The following SAR1A variants were observed in gnomAD, a reference collection of about 807,000 sequenced individuals.
The protein encoded by SAR1A is secretion associated Ras related GTPase 1A.
A neutral mutation model predicts 22.6 loss-of-function variants in SAR1A; 6 were observed. The observed-to-expected ratio is 0.27, with a 90% CI of 0.15 to 0.52. The LOEUF (loss-of-function observed/expected upper bound fraction) is 0.52, where lower values mean the gene tolerates loss of function less well. SAR1A is among the 20% of genes least tolerant of loss of function. The pLI is 0.96. For synonymous variants in SAR1A, 70 were observed against 82.2 expected (o/e 0.85, Z 0.80); for missense variants, 145 against 245.1 (o/e 0.59, Z 2.73).
At position 70,150,652 on chromosome 10, in the gene SAR1A, A is replaced by T. The variant is rs1236335598; in HGVS notation, c.*1824T>A. On this transcript the variant is annotated 3_prime_UTR_variant, in exon 7 of 7. Coordinates refer to ENST00000373241, the MANE Select transcript of SAR1A (RefSeq NM_020150.5). ...GGGGGACCTTTAACCAAAGGAAATT[A>T]AAAATATGCAAGTTATATTACCTAG... 2.0e-5 allele frequency: 3 copies of T among 152,260 alleles called. No individual in the cohort carries two copies. Among genetic ancestry groups the T allele is most frequent in the Non-Finnish European group, 4.4e-5 (3 of 68,046 alleles). 9.4% of individuals were successfully genotyped at this position (152,260 alleles called of 1,614,324 possible).
chr10:70,166,418 G>A (rs986486602), intron 1 of SAR1A, among the ~76,000 whole-genome samples: 1 of 152,154 alleles, frequency 6.6e-6, no homozygotes, highest in Non-Finnish European at 1.5e-5. Flanking sequence ...AGAATGAAAA[G>A]CACATTGATT....
chr10:70,160,009 T>C (rs1839447176), intron 4 of SAR1A, among the ~76,000 whole-genome samples: 1 of 152,208 alleles, frequency 6.6e-6, no homozygotes, highest in Non-Finnish European at 1.5e-5. Flanking sequence ...ATCAGAGTAA[T>C]CACACATAGT....
Position 70,149,013 on chromosome 10 carries a change from A to T in SAR1A, c.*3463T>A. 5.1e-5 allele frequency: 1 copy of T among 19,750 alleles called. No individual in the cohort carries two copies. The highest frequency in any genetic ancestry group is 9.5e-5 in the Non-Finnish European group (1 of 10,480). 1.2% of individuals were successfully genotyped at this position (19,750 alleles called of 1,614,324 possible). On this transcript the variant is annotated 3_prime_UTR_variant, in exon 7 of 7. Coordinates refer to ENST00000373241, the MANE Select transcript of SAR1A (RefSeq NM_020150.5). ...AATCTTATTTTCCACTCTGCCTCAA[A>T]CAAAACAACTCATTTGCCCATACAA...
chr10:70,157,657 T>C (rs774286411), intron 5 of SAR1A, 107 bp downstream of exon 5: 33 of 710,096 alleles, frequency 4.6e-5, no homozygotes, highest in Non-Finnish European at 7.0e-5. Context: ...AAATGTTAAC[T>C]GGAATGACTA....
At chr10:70,162,013 CATG>C (rs1243125016) in intron 1 of SAR1A, 82 bp from the exon 2 acceptor site, 1 of 969,658 alleles carries the variant, frequency 1.0e-6, no homozygotes, top group Non-Finnish European at 1.6e-6. Context: ...GTTCCCTAGC[CATG>C]ATGCACATTT....
intron 5 of SAR1A, chr10:70,155,242 G>C: frequency 5.0e-6 from 2 of 401,720 alleles, no homozygotes; most frequent in South Asian, 3.8e-5. Context: ...GCTTAAGGTA[G>C]AGCATTCAAT....
chr10:70,157,519 G>C (rs954652776), intron 5 of SAR1A, among the ~76,000 whole-genome samples: 1 of 152,034 alleles, frequency 6.6e-6, no homozygotes, highest in African/African-American at 2.4e-5. Context: ...AGCAAACTTG[G>C]CCATATAATC....
chr10:70,162,020 C>T, intron 1 of SAR1A, 89 bp from the exon 2 acceptor site: 1 of 926,666 alleles, frequency 1.1e-6, no homozygotes, highest in Non-Finnish European at 1.7e-6. Context: ...AGCCATGATG[C>T]ACATTTATAG....
At chr10:70,169,760 A>G (rs768507022) in intron 1 of SAR1A, among the ~76,000 whole-genome samples, 1 of 152,216 alleles carries the variant, frequency 6.6e-6, no homozygotes, top group Non-Finnish European at 1.5e-5. Context: ...AGCCGATGGA[A>G]TCAACAAGAC....
chr10:70,159,445 G>A (rs899105109), intron 4 of SAR1A, among the ~76,000 whole-genome samples: 2 of 152,134 alleles, frequency 1.3e-5, no homozygotes, highest in Non-Finnish European at 2.9e-5. Context: ...CATAATCCCA[G>A]CACTTTGGGA....
chr10:70,154,951 AAGG>A (rs1211196253), intron 5 of SAR1A: 5 of 387,242 alleles, frequency 1.3e-5, no homozygotes, highest in African/African-American at 8.4e-5. Flanking sequence ...GATAGGTGTA[AAGG>A]AGAAGTAAGA....
At chr10:70,162,442 A>AAG (rs1839484730) in intron 1 of SAR1A, among the ~76,000 whole-genome samples, 1 of 66,854 alleles carries the variant, frequency 1.5e-5, no homozygotes, top group African/African-American at 4.2e-5. Flanking sequence ...GGAAAGGAAA[A>AAG]GAAAAGAAAA....
intron 5 of SAR1A, among the ~76,000 whole-genome samples, chr10:70,155,309 T>TA (rs199545168): frequency 2.0e-5 from 3 of 150,256 alleles, no homozygotes; most frequent in Admixed American, 6.6e-5. Context: ...TCTAAATGAT[T>TA]AAAAAAAAAA....
chr10:70,154,026 A>C (rs1219582747), intron 5 of SAR1A, 57 bp from the exon 6 acceptor site: 1 of 1,339,652 alleles, frequency 7.5e-7, no homozygotes. Context: ...GGAATCTACA[A>C]AAGCCCACCA....
At chr10:70,165,228 G>A (rs1239543200) in intron 1 of SAR1A, among the ~76,000 whole-genome samples, 1 of 136,996 alleles carries the variant, frequency 7.3e-6, no homozygotes, top group Non-Finnish European at 1.5e-5. Flanking sequence ...TCCCGCCACT[G>A]CACTCCAGCC....
At chr10:70,159,532 A>G (rs1176901733) in intron 4 of SAR1A, among the ~76,000 whole-genome samples, 1 of 152,086 alleles carries the variant, frequency 6.6e-6, no homozygotes, top group Non-Finnish European at 1.5e-5. Context: ...CAGTCTCTAC[A>G]AAAAACAGGT....
chr10:70,153,710 TACTC>T, intron 6 of SAR1A, 124 bp downstream of exon 6: 1 of 673,766 alleles, frequency 1.5e-6, no homozygotes, highest in Non-Finnish European at 2.3e-6. Flanking sequence ...GCTTACAAAA[TACTC>T]ACAGTAAAAC....
At chr10:70,164,004 C>CACT in intron 1 of SAR1A, 1 of 973,888 alleles carries the variant, frequency 1.0e-6, no homozygotes, top group Non-Finnish European at 1.7e-6. Flanking sequence ...AGAACTTCAC[C>CACT]ATGTGATGAC....
At chr10:70,162,182 A>G (rs1839477275) in intron 1 of SAR1A, among the ~76,000 whole-genome samples, 3 of 151,916 alleles carry the variant, frequency 2.0e-5, no homozygotes, top group Admixed American at 6.6e-5. Context: ...TCTACAAATA[A>G]CTAAAAAAAT....
Sources: allele counts gnomAD v4.1 joint callset (sites outside exome capture counted in the v4.1 genomes callset), GRCh38; gene constraint gnomAD v4.1.1; transcripts MANE v1.5; gene names NCBI Gene and HGNC (gene_info 2026-07-23, HGNC 2026-07-21).